The following EPHB3 variants were observed in gnomAD, a reference collection of about 807,000 sequenced individuals.
EPHB3 encodes EPH receptor B3, also known as ephrin type-B receptor 3.
A neutral mutation model predicts 100.2 loss-of-function variants in EPHB3; 33 were observed. That is an observed-to-expected ratio of 0.33 (90% CI 0.25 to 0.44). The LOEUF (loss-of-function observed/expected upper bound fraction) is 0.44, where lower values mean the gene tolerates loss of function less well. EPHB3 is among the 20% of genes least tolerant of loss of function. The probability of loss-of-function intolerance (pLI) is 1.00; values close to 1 mark genes in which losing one functional copy is unlikely to be tolerated. For synonymous variants in EPHB3, 526 were observed against 554.7 expected (o/e 0.95, Z 0.73); for missense variants, 1,045 against 1,378.3 (o/e 0.76, Z 3.83).
chr3:184,566,351 G>A (rs1279000893), intron 1 of EPHB3, among the ~76,000 whole-genome samples: 1 of 152,210 alleles, frequency 6.6e-6, no homozygotes, highest in African/African-American at 2.4e-5. Flanking sequence ...AAACCCCCAT[G>A]ATCTGAGGGG....
At position 184,580,271 on chromosome 3, in the gene EPHB3, C is replaced by T. The variant is rs1714786635; in HGVS notation, c.2173-131C>T. ...ACACATAGTAGGGCAGCTCACTTAC[C>T]CTCAGGGCACTCTGGACATGGTTGC... On this transcript the variant is annotated intron_variant, in intron 11 of 15. Coordinates refer to ENST00000330394, the MANE Select transcript of EPHB3 (RefSeq NM_004443.4). 3 of 1,200,394 alleles carry T rather than the reference C, an allele frequency of 2.5e-6. No individual in the cohort carries two copies. The African/African-American group carries it at 4.5e-5, about 18-fold the overall frequency. 74.4% of individuals were successfully genotyped at this position (1,200,394 alleles called of 1,614,324 possible).
chr3:184,572,265 A>G lies in EPHB3; in HGVS notation c.184-239A>G, dbSNP rs1170960989. Among the ~76,000 whole-genome samples, 1 of 152,168 alleles carries G rather than the reference A, an allele frequency of 6.6e-6. No individual in the cohort carries two copies. The highest frequency in any genetic ancestry group is 6.5e-5 in the Admixed American group (1 of 15,280). ...TATTCAGTTAAAGTCATTATTCCTT[A>G]CACATCTTTATTATCCCCATGTTAC... On this transcript the variant is annotated intron_variant, in intron 2 of 15. Coordinates refer to ENST00000330394, the MANE Select transcript of EPHB3 (RefSeq NM_004443.4). The surrounding 1 kb of genome is among the most constrained non-coding windows in gnomAD (Gnocchi z 6.6).
Position 184,576,860 on chromosome 3 carries a change from G to A in EPHB3, c.1031G>A (p.Arg344Gln), listed in dbSNP as rs562993499. The change falls in exon 5 of 16, where the codon CGA becomes CAA. Residue 344 changes from arginine (R) to glutamine (Q), a missense_variant. Transcript: ENST00000330394. Reference protein sequence around the residue: ...SACTTVPSPPRGVISNVNETS... With the variant: ...SACTTVPSPPQGVISNVNETS... ...CTCACAGCCGTGCCATCTCCACCCC[G>A]AGGTGTGATCTCCAATGTGAATGAA... The A allele has an allele frequency of 2.5e-5, 38 of 1,548,172 alleles. No individual in the cohort carries two copies. In the East Asian group the frequency reaches 6.6e-4, roughly 27 times the overall value.
chr3:184,562,212 T>C lies in EPHB3; in HGVS notation c.-24T>C. The C allele has an allele frequency of 1.5e-6, 1 of 664,024 alleles. No homozygotes were observed. Among genetic ancestry groups the C allele is most frequent in the Non-Finnish European group, 1.9e-6 (1 of 514,442 alleles). 41.1% of individuals were successfully genotyped at this position (664,024 alleles called of 1,614,324 possible). A position where few individuals can be genotyped will look rare whatever the true frequency, so the allele number is the denominator to read the frequency against. On this transcript the variant is annotated 5_prime_UTR_variant, in exon 1 of 16. Coordinates refer to ENST00000330394, the MANE Select transcript of EPHB3 (RefSeq NM_004443.4). The surrounding 1 kb of genome is among the most constrained non-coding windows in gnomAD (Gnocchi z 4.8). ...GCGGCCCGGCCCGGCGCGGCCCGGC[T>C]CGGCTCCTAGAGCTGCCACGGCCAT...
At position 184,573,121 on chromosome 3, in the gene EPHB3, T is replaced by A. The variant is rs747382296; in HGVS notation, c.801T>A (p.Gly267=). ...ATGGGGAGTGGATGGTGCCTGTGGG[T>A]GCCTGCACCTGTGCCACCGGCCATG... ...NGDGEWMVPV[G]ACTCATGHEP... is the part of the protein sequence containing the mutation. Residue 267 remains glycine (G), a synonymous_variant, in exon 3 of 16, where the codon GGT becomes GGA. Coordinates refer to ENST00000330394, the MANE Select transcript of EPHB3 (RefSeq NM_004443.4). This position sits in a 1 kb window ranked among gnomAD's most constrained non-coding sequence, Gnocchi z 4.5. 6.2e-7 allele frequency: 1 copy of A among 1,612,604 alleles called. No individual in the cohort carries two copies. The highest frequency in any genetic ancestry group is 1.3e-5 in the African/African-American group (1 of 74,930).
rs182804854 is a variant in EPHB3, at chr3:184,575,880, C to T, written c.907C>T (p.Pro303Ser). 8 of 1,613,582 alleles carry T rather than the reference C, an allele frequency of 5.0e-6. No homozygotes were observed. Among genetic ancestry groups the T allele is most frequent in the Non-Finnish European group, 5.9e-6 (7 of 1,179,788 alleles). Residue 303 changes from proline (P) to serine (S), a missense_variant, in exon 4 of 16, where the codon CCA becomes TCA. This residue lies in a region of EPHB3 where 985 missense variants were observed against 1,331.1 expected (regional missense o/e 0.74). Coordinates refer to ENST00000330394, the MANE Select transcript of EPHB3 (RefSeq NM_004443.4). ...KAKQGEGPCL[P>S]CPPNSRTTSP... is the part of the protein sequence containing the mutation. ...GAAGCAGGGAGAGGGGCCCTGCCTC[C>T]CATGTCCCCCCAACAGCCGTACCAC...
Position 184,577,719 on chromosome 3 carries a change from G to T in EPHB3, c.1541G>T (p.Arg514Leu), listed in dbSNP as rs773436930. Residue 514 changes from arginine to leucine, a missense_variant, in exon 7 of 16, where the codon CGG (arginine) becomes CTG (leucine). Physicochemically the swap from Arg to Leu is moderately radical, Grantham distance 102. Coordinates refer to ENST00000330394, the MANE Select transcript of EPHB3 (RefSeq NM_004443.4). This position sits in a 1 kb window ranked among gnomAD's most constrained non-coding sequence, Gnocchi z 4.9. Reference protein sequence around the residue: ...QMNSVQLDGLRPDARYVVQVR... With the variant: ...QMNSVQLDGLLPDARYVVQVR... ...AACTCCGTGCAGCTGGACGGGCTTCGGCCTGACGCCCGCTATGTGGTCCAG... is the reference window on the plus strand; with the variant it reads ...AACTCCGTGCAGCTGGACGGGCTTCTGCCTGACGCCCGCTATGTGGTCCAG... The T allele has an allele frequency of 3.7e-6, 6 of 1,611,198 alleles. No individual in the cohort carries two copies. The highest frequency in any genetic ancestry group is 3.4e-6 in the Non-Finnish European group (4 of 1,178,254).
At chr3:184,581,480 A>G in intron 15 of EPHB3, 34 bp from the exon 16 acceptor site, 1 of 1,603,860 alleles carries the variant, frequency 6.2e-7, no homozygotes, top group Non-Finnish European at 8.5e-7. Context: ...GGGCACGAGG[A>G]AAGGGACTGA....
At position 184,569,699 on chromosome 3, in the gene EPHB3, G is replaced by A. The variant is rs1714494177; in HGVS notation, c.119-1619G>A. 6.6e-6 allele frequency among the ~76,000 whole-genome samples: 1 copy of A among 152,224 alleles called. No homozygotes were observed. Among genetic ancestry groups the A allele is most frequent in the Non-Finnish European group, 1.5e-5 (1 of 68,024 alleles). On this transcript the variant is annotated intron_variant, in intron 1 of 15. Transcript: ENST00000330394. The surrounding 1 kb of genome is among the most constrained non-coding windows in gnomAD (Gnocchi z 5.4). ...CTGCAGCCCCTTTGCCTGACATGGC[G>A]GGGGGCTGGGGTCACAGCTGCCTTG...
rs1053448142 is a variant in EPHB3 at position 184,569,184 on chromosome 3, G to T, written c.119-2134G>T. Among the ~76,000 whole-genome samples, 1 of 151,914 alleles carries T rather than the reference G, an allele frequency of 6.6e-6. No homozygotes were observed. The highest frequency in any genetic ancestry group is 1.5e-5 in the Non-Finnish European group (1 of 67,946). ...AGCGGCTGGAGCCCCGGCCTGCTCC[G>T]GCGGGCGGACCGGCGGGCGGACCGG... On this transcript the variant is annotated intron_variant, in intron 1 of 15. Transcript: ENST00000330394. The surrounding 1 kb of genome is among the most constrained non-coding windows in gnomAD (Gnocchi z 5.4).
In EPHB3 at chr3:184,579,620, T is replaced by C. The variant is rs770714741; in HGVS notation, c.1924+21T>C. The C allele has an allele frequency of 1.2e-6, 2 of 1,612,258 alleles. No individual in the cohort carries two copies. The highest frequency in any genetic ancestry group is 4.5e-5 in the East Asian group (2 of 44,744). The stretch of plus-strand genomic sequence containing the variant: ...AGCTGGTGAGTCTCCCGGGGCACAG[T>C]AGAGATGAGAAGCTGAGGCGGGCTG... On this transcript the variant is annotated intron_variant, in intron 10 of 15. Transcript: ENST00000330394. The surrounding 1 kb of genome is among the most constrained non-coding windows in gnomAD (Gnocchi z 5.2).
In EPHB3 at chr3:184,569,084, A is replaced by G. The variant is rs973197873; in HGVS notation, c.119-2234A>G. 3.3e-5 allele frequency among the ~76,000 whole-genome samples: 5 copies of G among 152,112 alleles called. No individual in the cohort carries two copies. Among genetic ancestry groups the G allele is most frequent in the African/African-American group, 1.2e-4 (5 of 41,432 alleles). On this transcript the variant is annotated intron_variant, in intron 1 of 15. Coordinates refer to ENST00000330394, the MANE Select transcript of EPHB3 (RefSeq NM_004443.4). The surrounding 1 kb of genome is among the most constrained non-coding windows in gnomAD (Gnocchi z 5.4). ...GGAGGGGGCTGAATATTTGGGTTTA[A>G]ACAGTTCCAGATGGGTTTGGCACAG...
In EPHB3 at chr3:184,577,059, C is replaced by G; in HGVS notation, c.1230C>G (p.Val410=). The change falls in exon 5 of 16, where the codon GTC becomes GTG. Residue 410 remains valine (V), a synonymous_variant. Transcript: ENST00000330394. The surrounding 1 kb of genome is among the most constrained non-coding windows in gnomAD (Gnocchi z 4.9). ...PRQLGLTERR[V]HISHLLAHTR... The stretch of plus-strand genomic sequence containing the variant: ...AGCTGGGCCTGACGGAGCGCCGGGT[C>G]CACATCAGCCATCTGCTGGCCCACA... The G allele has an allele frequency of 6.2e-7, 1 of 1,613,760 alleles. No homozygotes were observed. The highest frequency in any genetic ancestry group is 1.7e-5 in the Admixed American group (1 of 60,030).
Position 184,572,671 on chromosome 3 carries a change from C to A in EPHB3, c.351C>A (p.Asn117Lys). 6.3e-7 allele frequency: 1 copy of A among 1,595,238 alleles called. No homozygotes were observed. Among genetic ancestry groups the A allele is most frequent in the Non-Finnish European group, 8.5e-7 (1 of 1,172,006 alleles). The stretch of plus-strand genomic sequence containing the variant: ...TCAAGTTCACTGTGCGTGACTGCAA[C>A]AGCATCCCCAACATCCCCGGCTCCT... ...VELKFTVRDCNSIPNIPGSCK... is the reference protein window; with the variant it reads ...VELKFTVRDCKSIPNIPGSCK... Residue 117 changes from asparagine (N) to lysine (K), a missense_variant, in exon 3 of 16, where the codon AAC becomes AAA. Physicochemically the swap from Asn to Lys is moderately conservative, Grantham distance 94. Around this residue, in one of 2 missense-constraint regions of EPHB3, gnomAD observed 985 missense variants for 1,331.1 expected, o/e 0.74. Transcript: ENST00000330394. This position sits in a 1 kb window ranked among gnomAD's most constrained non-coding sequence, Gnocchi z 6.6.
In EPHB3 at chr3:184,562,363, G is replaced by T. The variant is rs1306659156; in HGVS notation, c.118+10G>T. Reference sequence around the variant, plus strand: ...TGCCGGGCGCTGGAAGGTGAGCGGCGTCGGGGGGCGCGCCCGGGAACAAGG... The same window carrying T: ...TGCCGGGCGCTGGAAGGTGAGCGGCTTCGGGGGGCGCGCCCGGGAACAAGG... On this transcript the variant is annotated intron_variant, in intron 1 of 15. Transcript: ENST00000330394. The surrounding 1 kb of genome is among the most constrained non-coding windows in gnomAD (Gnocchi z 4.8). The T allele has an allele frequency of 3.8e-5, 46 of 1,220,788 alleles. No homozygotes were observed. The highest frequency in any genetic ancestry group is 4.6e-5 in the Non-Finnish European group (45 of 982,438). The allele number at this position is 1,220,788 out of a possible 1,614,324, so 75.6% of individuals were successfully genotyped here. A position where few individuals can be genotyped will look rare whatever the true frequency, so the allele number is the denominator to read the frequency against.
In EPHB3 at chr3:184,581,444, G is replaced by T. The variant is rs745594840; in HGVS notation, c.2888+36G>T. ...CTCAGATTTGGAGGAGCAGGGCAGG[G>T]GGCCCTAGGCTGGGCCCAGAGTTGA... On this transcript the variant is annotated intron_variant, in intron 15 of 15. Transcript: ENST00000330394. The T allele has an allele frequency of 4.4e-6, 7 of 1,586,620 alleles. No individual in the cohort carries two copies. Among genetic ancestry groups the T allele is most frequent in the Non-Finnish European group, 6.0e-6 (7 of 1,165,612 alleles).
At chr3:184,567,372 G>A (rs1202144274) in intron 1 of EPHB3, among the ~76,000 whole-genome samples, 4 of 152,204 alleles carry the variant, frequency 2.6e-5, no homozygotes, top group South Asian at 2.1e-4. Context: ...CCCTGCCTGA[G>A]CGAGAGGCAC....
chr3:184,571,185 C>A lies in EPHB3; in HGVS notation c.119-133C>A. 1 of 775,342 alleles carries A rather than the reference C, an allele frequency of 1.3e-6. No homozygotes were observed. The allele number at this position is 775,342 out of a possible 1,614,324, so 48.0% of individuals were successfully genotyped here. ...GTCAGACTGATCTCAAACTCCTGAC[C>A]TCAAGTGATCCACCTGCCTCAGACT... On this transcript the variant is annotated intron_variant, in intron 1 of 15. Coordinates refer to ENST00000330394, the MANE Select transcript of EPHB3 (RefSeq NM_004443.4). This position sits in a 1 kb window ranked among gnomAD's most constrained non-coding sequence, Gnocchi z 5.0.
chr3:184,577,799 G>C lies in EPHB3; in HGVS notation c.1621G>C (p.Glu541Gln). 1 of 1,606,176 alleles carries C rather than the reference G, an allele frequency of 6.2e-7. No homozygotes were observed. The highest frequency in any genetic ancestry group is 8.5e-7 in the Non-Finnish European group (1 of 1,174,292). Reference protein sequence around the residue: ...YGQYSRPAEFETTSERGSGAQ... With the variant: ...YGQYSRPAEFQTTSERGSGAQ... The stretch of plus-strand genomic sequence containing the variant: ...GCAGTACAGCCGCCCTGCCGAGTTT[G>C]AGACCACAAGTGAGAGAGGTTAGTA... The change falls in exon 7 of 16, where the codon GAG becomes CAG. Residue 541 changes from glutamate (E) to glutamine (Q), a missense_variant. Physicochemically the swap from Glu to Gln is conservative, Grantham distance 29. Coordinates refer to ENST00000330394, the MANE Select transcript of EPHB3 (RefSeq NM_004443.4). This position sits in a 1 kb window ranked among gnomAD's most constrained non-coding sequence, Gnocchi z 4.9.
Sources: gnomAD v4.1 joint callset for allele counts (sites outside exome capture counted in the v4.1 genomes callset) on GRCh38, gnomAD v4.1.1 for gene constraint, gnomAD v4.1.1 regional missense constraint, Gnocchi (gnomAD v3.1) non-coding constraint, MANE v1.5 for transcripts, NCBI Gene and HGNC (gene_info 2026-07-23, HGNC 2026-07-21) for gene names.